KHDRBS2: variants seen among roughly 807,000 people sequenced by gnomAD.
The protein encoded by KHDRBS2 is KH domain-containing, RNA-binding, signal transduction-associated protein 2.
In KHDRBS2, 26 loss-of-function variants were observed where a neutral mutation model predicts 44.3. The observed-to-expected ratio is 0.59, with a 90% confidence interval of 0.43 to 0.81. The LOEUF (loss-of-function observed/expected upper bound fraction) is 0.81. Among genes scored for constraint, KHDRBS2 ranks in the 40% least tolerant of loss-of-function variants. The pLI, the probability that KHDRBS2 is intolerant of heterozygous loss-of-function variation, is 0.00. For synonymous variants in KHDRBS2, 194 were observed against 151.1 expected, an observed-to-expected ratio of 1.28 and a Z score of -2.08; for missense variants, 476 against 433.1, an observed-to-expected ratio of 1.10 and a Z score of -0.88.
At chr6:62,169,034 C>CATATATATATATATATAT (rs369570219) in intron 2 of KHDRBS2, among the ~76,000 whole-genome samples, 957 of 72,264 alleles carry the variant, frequency 0.013, 20 homozygotes, top group African/African-American at 0.018. Flanking sequence ...GTTCTCCAGT[C>CATATATATATATATATAT]ATATATATAT....
intron 1 of KHDRBS2, among the ~76,000 whole-genome samples, chr6:62,234,153 C>CA (rs1833332181): frequency 6.6e-6 from 1 of 152,014 alleles, no homozygotes; most frequent in Non-Finnish European, 1.5e-5. Flanking sequence ...CCAGGATCCT[C>CA]AAAAAACAGC....
At chr6:62,028,076 T>C (rs1783697449) in intron 3 of KHDRBS2, among the ~76,000 whole-genome samples, 1 of 151,984 alleles carries the variant, frequency 6.6e-6, no homozygotes, top group South Asian at 2.1e-4. Context: ...GCCCTTAACC[T>C]GTGAGATCTG....
At chr6:61,559,743 G>T in the KHDRBS2 span, among the ~76,000 whole-genome samples, 1 of 151,980 alleles carries the variant, frequency 6.6e-6, no homozygotes, top group African/African-American at 2.4e-5. Context: ...ACTTTTTGTT[G>T]TTTCTCTTCA....
chr6:61,751,428 C>T (rs1562093469), intron 6 of KHDRBS2, among the ~76,000 whole-genome samples: 1 of 152,140 alleles, frequency 6.6e-6, no homozygotes, highest in Admixed American at 6.5e-5. Context: ...GGGTCACACA[C>T]AGAACAATGT....
intron 7 of KHDRBS2, among the ~76,000 whole-genome samples, chr6:61,715,872 A>G (rs1220450272): frequency 2.0e-5 from 3 of 151,760 alleles, no homozygotes; most frequent in Non-Finnish European, 4.4e-5. Flanking sequence ...CTATAGATAT[A>G]TTTGAATCCT....
intron 4 of KHDRBS2, among the ~76,000 whole-genome samples, chr6:61,945,284 A>T (rs1331501962): frequency 6.6e-6 from 1 of 150,696 alleles, no homozygotes; most frequent in East Asian, 1.9e-4. Context: ...TCACGAAAAT[A>T]AAACAGGATT....
intron 1 of KHDRBS2, among the ~76,000 whole-genome samples, chr6:62,193,123 G>A (rs1423221759): frequency 3.9e-5 from 6 of 151,928 alleles, no homozygotes; most frequent in East Asian, 3.9e-4. Context: ...TATTTAAAAC[G>A]AATATATATG....
chr6:62,149,725 G>GT (rs1562959368), intron 2 of KHDRBS2, among the ~76,000 whole-genome samples: 1 of 152,146 alleles, frequency 6.6e-6, no homozygotes, highest in African/African-American at 2.4e-5. Context: ...ATAGGGTGCA[G>GT]TGATTTAAGA....
intron 3 of KHDRBS2, among the ~76,000 whole-genome samples, chr6:61,980,508 C>T (rs371994908): frequency 6.6e-6 from 1 of 152,046 alleles, no homozygotes; most frequent in South Asian, 2.1e-4. Context: ...TCTTATGTTG[C>T]CTGGTCAAAG....
At chr6:61,839,867 G>A (rs536560310) in intron 6 of KHDRBS2, among the ~76,000 whole-genome samples, 6 of 152,048 alleles carry the variant, frequency 3.9e-5, no homozygotes, top group African/African-American at 1.4e-4. Context: ...AAAATAGCAA[G>A]TATTTCCTCT....
At chr6:61,970,766 C>T (rs1771213654) in intron 4 of KHDRBS2, among the ~76,000 whole-genome samples, 1 of 152,118 alleles carries the variant, frequency 6.6e-6, no homozygotes, top group African/African-American at 2.4e-5. Flanking sequence ...GTTCACATCA[C>T]CTACCAGTCT....
At chr6:61,679,758 C>A (rs1039146911), downstream of KHDRBS2, among the ~76,000 whole-genome samples, 2 of 151,904 alleles carry the variant, frequency 1.3e-5, no homozygotes, top group Non-Finnish European at 2.9e-5. Context: ...TGAGTGAAAA[C>A]AATAAAGTGA....
intron 1 of KHDRBS2, among the ~76,000 whole-genome samples, chr6:62,264,086 G>A (rs1838802681): frequency 6.6e-6 from 1 of 151,582 alleles, no homozygotes; most frequent in African/African-American, 2.4e-5. Context: ...TATCTGACAT[G>A]TAAATTGGGT....
chr6:62,004,133 A>G (rs533663185), intron 3 of KHDRBS2, among the ~76,000 whole-genome samples: 1 of 152,312 alleles, frequency 6.6e-6, no homozygotes, highest in East Asian at 1.9e-4. Context: ...AGCTAGCAGA[A>G]GGCAAGAAAT....
intron 4 of KHDRBS2, among the ~76,000 whole-genome samples, chr6:61,951,832 T>G (rs1392407164): frequency 6.6e-6 from 1 of 152,010 alleles, no homozygotes; most frequent in Non-Finnish European, 1.5e-5. Context: ...ATTCTCTTGT[T>G]GAGATTTTTT....
chr6:61,943,417 C>G (rs1479057286), intron 4 of KHDRBS2, among the ~76,000 whole-genome samples: 2 of 151,594 alleles, frequency 1.3e-5, no homozygotes, highest in African/African-American at 2.4e-5. Context: ...AAAAAAGGAA[C>G]AAAGACTATA....
At chr6:62,153,882 A>G (rs1815780487) in intron 2 of KHDRBS2, among the ~76,000 whole-genome samples, 1 of 152,250 alleles carries the variant, frequency 6.6e-6, no homozygotes, top group African/African-American at 2.4e-5. Context: ...TAACAGGAAC[A>G]GTCTCAGGCA....
chr6:62,139,278 C>T (rs1330830977), intron 2 of KHDRBS2, among the ~76,000 whole-genome samples: 6 of 151,982 alleles, frequency 3.9e-5, no homozygotes, highest in East Asian at 1.9e-4. Flanking sequence ...ATGGGCCAGG[C>T]GCAGTGGCTC....
intron 2 of KHDRBS2, among the ~76,000 whole-genome samples, chr6:62,082,799 G>A (rs1797656082): frequency 6.6e-6 from 1 of 152,056 alleles, no homozygotes; most frequent in Admixed American, 6.6e-5. Context: ...AAGCTTTCAC[G>A]CTTTTGGAAT....
Sources: gnomAD v4.1 joint callset for allele counts (sites outside exome capture counted in the v4.1 genomes callset) on GRCh38, gnomAD v4.1.1 for gene constraint, MANE v1.5 for transcripts, NCBI Gene and HGNC (gene_info 2026-07-23, HGNC 2026-07-21) for gene names.